RPGRIP1: variants seen among roughly 807,000 people sequenced by gnomAD.
RPGRIP1 encodes the protein X-linked retinitis pigmentosa GTPase regulator-interacting protein 1.
In RPGRIP1, 128 loss-of-function variants were observed where a neutral mutation model predicts 157.9. That is an observed-to-expected ratio of 0.81 (90% CI 0.70 to 0.94). The LOEUF is 0.94. Ranked by LOEUF, RPGRIP1 falls within the 40% of genes least tolerant of loss-of-function variation. The pLI, the probability that RPGRIP1 is intolerant of heterozygous loss-of-function variation, is 0.00. For missense variants in RPGRIP1, 1,486 were observed against 1,545.8 expected (o/e 0.96, Z 0.65); for synonymous variants, 554 against 571.6 (o/e 0.97, Z 0.44).
intron 14 of RPGRIP1, among the ~76,000 whole-genome samples, chr14:21,322,849 A>G (rs1882650476): frequency 6.6e-6 from 1 of 152,150 alleles, no homozygotes; most frequent in African/African-American, 2.4e-5. Flanking sequence ...CAAGTTTCAT[A>G]TTGTGGTGCC....
chr14:21,327,799 C>T lies in RPGRIP1; in HGVS notation c.2887C>T (p.Pro963Ser), dbSNP rs369202663. 6.3e-7 allele frequency: 1 copy of T among 1,592,736 alleles called. No homozygotes were observed. The highest frequency in any genetic ancestry group is 8.6e-7 in the Non-Finnish European group (1 of 1,169,448). The change falls in exon 18 of 25, where the codon CCT becomes TCT. Residue 963 changes from proline (P) to serine (S), a missense_variant. Transcript: ENST00000400017. ...ATCTGAAGAGGAAAAGGCTTCATTTCCTTCCCAGGTAACTCTCCAGGACTC... is the reference window on the plus strand; with the variant it reads ...ATCTGAAGAGGAAAAGGCTTCATTTTCTTCCCAGGTAACTCTCCAGGACTC... The part of the protein sequence containing the change: ...ISSEEEKASF[P>S]SQDQMASPEV...
chr14:21,315,394 C>T (rs1035268087), intron 10 of RPGRIP1, among the ~76,000 whole-genome samples: 2 of 150,364 alleles, frequency 1.3e-5, no homozygotes, highest in African/African-American at 4.9e-5. Flanking sequence ...GTAGTCCCAG[C>T]TACTCGGGAG....
At chr14:21,297,873 C>CTTTCTTTCTTTCTTTT (rs1415395654) in intron 3 of RPGRIP1, among the ~76,000 whole-genome samples, 27 of 150,754 alleles carry the variant, frequency 1.8e-4, no homozygotes, top group Non-Finnish European at 3.7e-4. Context: ...TTCTTTCTTT[C>CTTTCTTTCTTTCTTTT]TTTCTTTTTT....
In RPGRIP1 at chr14:21,321,802, C is replaced by T; in HGVS notation, c.1612-52C>T. 5 of 1,571,662 alleles carry T rather than the reference C, an allele frequency of 3.2e-6. No homozygotes were observed. In the South Asian group the frequency reaches 5.9e-5, roughly 18 times the overall value. On this transcript the variant is annotated intron_variant, in intron 13 of 24. Transcript: ENST00000400017. ...TAGCCAGTGCCACATTTTTTATGCT[C>T]TTTGGTTTTAGGCCACTGAGATAGA...
At position 21,307,811 on chromosome 14, in the gene RPGRIP1, A is replaced by G; in HGVS notation, c.881A>G (p.Lys294Arg). ...AGAAATGCTTCATTGGTTATGACAA[A>G]AGCACAATTAACAGAAGTTCAAGAG... Reference protein sequence around the residue: ...HERNASLVMTKAQLTEVQEAY... With the variant: ...HERNASLVMTRAQLTEVQEAY... Residue 294 changes from lysine (K) to arginine (R), a missense_variant, in exon 7 of 25, where the codon AAA (lysine) becomes AGA (arginine). Physicochemically the swap from Lys to Arg is conservative, Grantham distance 26. Coordinates refer to ENST00000400017, the MANE Select transcript of RPGRIP1 (RefSeq NM_020366.4). 6.4e-7 allele frequency: 1 copy of G among 1,563,452 alleles called. No individual in the cohort carries two copies. The highest frequency in any genetic ancestry group is 8.7e-7 in the Non-Finnish European group (1 of 1,154,410).
intron 22 of RPGRIP1, 37 bp downstream of exon 22, chr14:21,343,265 C>G (rs1007560450): frequency 3.3e-6 from 5 of 1,510,474 alleles, no homozygotes; most frequent in Non-Finnish European, 4.5e-6. Flanking sequence ...GTGAGGAAGT[C>G]TGATGAACAT....
intron 3 of RPGRIP1, among the ~76,000 whole-genome samples, chr14:21,297,834 A>ATTCTTTCTTTCTTTCTTTCTTTCT (rs55920234): frequency 0.039 from 5,172 of 133,162 alleles, 182 homozygotes; most frequent in Middle Eastern, 0.043. Flanking sequence ...TCAATAAATT[A>ATTCTTTCTTTCTTTCTTTCTTTCT]TTCTTTCTTT....
chr14:21,347,520 GT>G (rs148418153), intron 23 of RPGRIP1, among the ~76,000 whole-genome samples: 1,657 of 152,246 alleles, frequency 0.011, 15 homozygotes, highest in Middle Eastern at 0.055. Context: ...CTTTGTTTCA[GT>G]TTAATCATAT....
At chr14:21,307,691 T>C (rs1039780048) in intron 6 of RPGRIP1, 40 bp from the exon 7 acceptor site, 2 of 1,273,316 alleles carry the variant, frequency 1.6e-6, no homozygotes, top group Non-Finnish European at 2.2e-6. Flanking sequence ...TTTAATTCTA[T>C]CCATGTTCAG....
chr14:21,307,438 A>T (rs1045747206), intron 6 of RPGRIP1, among the ~76,000 whole-genome samples: 4 of 152,246 alleles, frequency 2.6e-5, no homozygotes, highest in Admixed American at 6.5e-5. Context: ...TTGACATTGC[A>T]AGGTTTGTGG....
In RPGRIP1 at chr14:21,321,327, C is replaced by T. The variant is rs367875196; in HGVS notation, c.1536C>T (p.His512=). The change falls in exon 13 of 25, where the codon CAC becomes CAT. Residue 512 remains histidine, a synonymous_variant. Transcript: ENST00000400017. ...SQVLNELQVS[H]AETTLELEKT... ...TGCTAAATGAGTTGCAAGTATCACA[C>T]GCAGAGACCACATTGGAACTAGAAA... is the stretch of plus-strand genomic sequence containing the variant. 19 of 1,613,786 alleles carry T rather than the reference C, an allele frequency of 1.2e-5. No individual in the cohort carries two copies. The highest frequency in any genetic ancestry group is 3.3e-5 in the South Asian group (3 of 91,052).
intron 2 of RPGRIP1, among the ~76,000 whole-genome samples, chr14:21,291,508 G>A (rs1003734183): frequency 6.6e-6 from 1 of 151,922 alleles, no homozygotes; most frequent in Non-Finnish European, 1.5e-5. Flanking sequence ...GAAAAAATAA[G>A]CTTTTTTAGG....
chr14:21,284,262 C>T (rs1211965087), intron 1 of RPGRIP1, among the ~76,000 whole-genome samples: 1 of 152,130 alleles, frequency 6.6e-6, no homozygotes, highest in Admixed American at 6.6e-5. Context: ...CACCCTTCTC[C>T]AGTTGACAAG....
chr14:21,351,154 C>T lies in RPGRIP1; in HGVS notation c.3799C>T (p.Leu1267Phe). 1 of 1,612,918 alleles carries T rather than the reference C, an allele frequency of 6.2e-7. No homozygotes were observed. The highest frequency in any genetic ancestry group is 8.5e-7 in the Non-Finnish European group (1 of 1,179,472). Residue 1267 changes from leucine (L) to phenylalanine (F), a missense_variant, in exon 25 of 25, where the codon CTT becomes TTT. Coordinates refer to ENST00000400017, the MANE Select transcript of RPGRIP1 (RefSeq NM_020366.4). Reference sequence around the variant, plus strand: ...CCCAATAGGAAGGCTGAAGGTTTCCCTTCAAGCAGCTGCTGTCCTCCATGC... The same window carrying T: ...CCCAATAGGAAGGCTGAAGGTTTCCTTTCAAGCAGCTGCTGTCCTCCATGC... ...ATPIGRLKVS[L>F]QAAAVLHAIY...
chr14:21,322,057 C>A, intron 14 of RPGRIP1, 53 bp downstream of exon 14: 4 of 1,516,844 alleles, frequency 2.6e-6, no homozygotes, highest in Non-Finnish European at 2.7e-6. Flanking sequence ...ACAGCTAACG[C>A]CTGTGTTCCA....
intron 7 of RPGRIP1, among the ~76,000 whole-genome samples, chr14:21,308,970 A>G (rs1881434266): frequency 1.3e-5 from 2 of 152,208 alleles, no homozygotes; most frequent in African/African-American, 4.8e-5. Context: ...CCATGTTGCC[A>G]GGTACAGGTC....
At position 21,288,073 on chromosome 14, in the gene RPGRIP1, G is replaced by T; in HGVS notation, c.85+12G>T. The T allele has an allele frequency of 6.4e-7, 1 of 1,556,094 alleles. No homozygotes were observed. ...ACCAGCCTCAAAAGGTAACTTCTAC[G>T]CCTGAGGATGGACACCTTTTAGAAT... On this transcript the variant is annotated intron_variant, in intron 2 of 24. Coordinates refer to ENST00000400017, the MANE Select transcript of RPGRIP1 (RefSeq NM_020366.4).
At chr14:21,306,498 AC>A (rs1314236061) in intron 6 of RPGRIP1, among the ~76,000 whole-genome samples, 1 of 150,954 alleles carries the variant, frequency 6.6e-6, no homozygotes, top group Non-Finnish European at 1.5e-5. Context: ...TCACTCTGTC[AC>A]CCAAGCTGGA....
Position 21,343,119 on chromosome 14 carries a change from G to A in RPGRIP1, c.3423G>A (p.Gln1141=). 6.2e-7 allele frequency: 1 copy of A among 1,613,530 alleles called. No individual in the cohort carries two copies. Among genetic ancestry groups the A allele is most frequent in the African/African-American group, 1.3e-5 (1 of 75,032 alleles). Residue 1141 remains glutamine, a synonymous_variant, in exon 22 of 25, where the codon CAG becomes CAA. Transcript: ENST00000400017. ...TGATGTCTGATGAGAACATAAAACAGGTGTATGTGGAGTACAAATTCTACG... is the reference window on the plus strand; with the variant it reads ...TGATGTCTGATGAGAACATAAAACAAGTGTATGTGGAGTACAAATTCTACG... ...AEVMSDENIK[Q]VYVEYKFYDL... is the part of the protein sequence containing the mutation.
Sources: allele counts gnomAD v4.1 joint callset (sites outside exome capture counted in the v4.1 genomes callset), GRCh38; gene constraint gnomAD v4.1.1; transcripts MANE v1.5; gene names NCBI Gene and HGNC (gene_info 2026-07-23, HGNC 2026-07-21).